CSNK2A1: variants seen among roughly 807,000 people sequenced by gnomAD.
CSNK2A1 encodes the protein casein kinase 2 alpha 1.
Under a neutral mutation model 62.9 loss-of-function variants are expected in CSNK2A1, and 10 were observed. The observed-to-expected ratio is 0.16, with a 90% CI of 0.10 to 0.27. CSNK2A1 has a LOEUF of 0.27. Among genes scored for constraint, CSNK2A1 ranks in the 10% least tolerant of loss-of-function variants. The pLI is 1.00. For missense variants in CSNK2A1, 160 were observed against 492.0 expected (o/e 0.33, Z 6.38); for synonymous variants, 124 against 167.8 (o/e 0.74, Z 2.02).
At chr20:538,928 C>T (rs1237073194) in intron 1 of CSNK2A1, among the ~76,000 whole-genome samples, 9 of 152,188 alleles carry the variant, frequency 5.9e-5, no homozygotes, top group Non-Finnish European at 2.9e-5. Context: ...GAAACTACAT[C>T]TCACTAAGCT....
In CSNK2A1 at chr20:479,259, C is replaced by T. The variant is rs2017909081; in HGVS notation, c.*4702G>A. On this transcript the variant is annotated 3_prime_UTR_variant, in exon 14 of 14. Coordinates refer to ENST00000217244, the MANE Select transcript of CSNK2A1 (RefSeq NM_177559.3). ...ACAACTGTACAATTTAGAAGAGAAA[C>T]CAACATTTGGTGTAACTCTACCATA... The T allele has an allele frequency of 6.6e-6, 1 of 152,154 alleles. No individual in the cohort carries two copies. The highest frequency in any genetic ancestry group is 2.4e-5 in the African/African-American group (1 of 41,422). 9.4% of individuals were successfully genotyped at this position (152,154 alleles called of 1,614,324 possible). A position where few individuals can be genotyped will look rare whatever the true frequency, so the allele number is the denominator to read the frequency against.
At chr20:495,188 T>G (rs1274429797) in intron 8 of CSNK2A1, 1 of 153,374 alleles carries the variant, frequency 6.5e-6, no homozygotes, top group African/African-American at 2.4e-5. Flanking sequence ...AACAGGCAAG[T>G]CATCACAGCT....
At chr20:491,089 C>A (rs2018225147) in intron 9 of CSNK2A1, among the ~76,000 whole-genome samples, 1 of 151,982 alleles carries the variant, frequency 6.6e-6, no homozygotes, top group Non-Finnish European at 1.5e-5. Flanking sequence ...GAACTCAGGG[C>A]TATAGCCTTA....
chr20:496,499 C>A (rs2018349573), intron 7 of CSNK2A1: 1 of 152,202 alleles, frequency 6.6e-6, no homozygotes, highest in African/African-American at 2.4e-5. Flanking sequence ...GTTTGTTAAT[C>A]CCAGCCTTTC....
At position 480,911 on chromosome 20, in the gene CSNK2A1, T is replaced by C. The variant is rs960262513; in HGVS notation, c.*3050A>G. ...AATTTTCTCTGCTACTTTAGGACTA[T>C]AGTAATTAGCCATACCCTGAGGATC... is the stretch of plus-strand genomic sequence containing the variant. On this transcript the variant is annotated 3_prime_UTR_variant, in exon 14 of 14. Transcript: ENST00000217244. 1.3e-5 allele frequency: 2 copies of C among 152,242 alleles called. No individual in the cohort carries two copies. The highest frequency in any genetic ancestry group is 6.5e-5 in the Admixed American group (1 of 15,288). The allele number at this position is 152,242 out of a possible 1,614,324, so 9.4% of individuals were successfully genotyped here.
At chr20:532,681 A>G (rs2019237988) in intron 1 of CSNK2A1, among the ~76,000 whole-genome samples, 1 of 152,302 alleles carries the variant, frequency 6.6e-6, no homozygotes, top group African/African-American at 2.4e-5. Flanking sequence ...TCTAGTTTAA[A>G]TAACTTGTGG....
intron 12 of CSNK2A1, chr20:487,165 C>T: frequency 2.0e-6 from 1 of 508,240 alleles, no homozygotes; most frequent in South Asian, 2.8e-5. Flanking sequence ...TTCAACCATT[C>T]CAGACTGAGG....
At chr20:525,338 C>T (rs1163783262) in intron 2 of CSNK2A1, among the ~76,000 whole-genome samples, 1 of 151,828 alleles carries the variant, frequency 6.6e-6, no homozygotes, top group East Asian at 1.9e-4. Context: ...ATGGCGAGAC[C>T]TCGCCTCTAT....
intron 2 of CSNK2A1, chr20:526,650 T>G (rs1407943446): frequency 2.7e-5 from 4 of 149,598 alleles, no homozygotes; most frequent in Non-Finnish European, 4.4e-5. Context: ...TAAGTGTGCT[T>G]GATTTAAGAA....
Position 497,851 on chromosome 20 carries a change from A to G in CSNK2A1, c.367-71T>C. On this transcript the variant is annotated intron_variant, in intron 6 of 13. Transcript: ENST00000217244. ...GGCATTTTTCACCCTCACTCACAGT[A>G]ATTCAAACCAAGACTTGGCTCATTT... 6 of 1,378,272 alleles carry G rather than the reference A, an allele frequency of 4.4e-6. 1 individual carries two copies. The South Asian group carries it at 7.1e-5, about 16-fold the overall frequency. The allele number at this position is 1,378,272 out of a possible 1,614,324, so 85.4% of individuals were successfully genotyped here.
At chr20:516,976 T>C (rs1453213418) in intron 2 of CSNK2A1, among the ~76,000 whole-genome samples, 1 of 152,234 alleles carries the variant, frequency 6.6e-6, no homozygotes, top group Non-Finnish European at 1.5e-5. Context: ...TAGATTGCAC[T>C]GACTGCATGG....
intron 7 of CSNK2A1, chr20:496,009 T>C (rs1315123302): frequency 5.8e-6 from 3 of 517,052 alleles, no homozygotes; most frequent in African/African-American, 1.9e-5. Flanking sequence ...GAGATCTTTT[T>C]CTGACACAGT....
chr20:543,743 G>T lies in CSNK2A1; in HGVS notation c.-298C>A, dbSNP rs1370315554. ...CACAGACAATATGGCGGCGATGGAG[G>T]AGGAGACACACGGCTCGGCCGCCAG... On this transcript the variant is annotated 5_prime_UTR_variant, in exon 1 of 14. Transcript: ENST00000217244. The T allele has an allele frequency of 2.5e-6, 1 of 398,334 alleles. No homozygotes were observed. The highest frequency in any genetic ancestry group is 4.4e-6 in the Non-Finnish European group (1 of 226,012). 24.7% of individuals were successfully genotyped at this position (398,334 alleles called of 1,614,324 possible). A position where few individuals can be genotyped will look rare whatever the true frequency, so the allele number is the denominator to read the frequency against.
chr20:492,438 A>G, intron 8 of CSNK2A1, 74 bp from the exon 9 acceptor site: 1 of 1,427,988 alleles, frequency 7.0e-7, no homozygotes, highest in Non-Finnish European at 9.8e-7. Context: ...CATACTCTTG[A>G]TAAAATATAC....
At chr20:510,328 A>C (rs1382609454) in intron 2 of CSNK2A1, 1 of 152,148 alleles carries the variant, frequency 6.6e-6, no homozygotes, top group African/African-American at 2.4e-5. Flanking sequence ...GGCATGCGCC[A>C]CCATGCCTGG....
intron 2 of CSNK2A1, among the ~76,000 whole-genome samples, chr20:519,460 T>G (rs1007654244): frequency 6.6e-6 from 1 of 152,194 alleles, no homozygotes; most frequent in Non-Finnish European, 1.5e-5. Context: ...AGGCCTATAG[T>G]CCCAGCTATT....
rs144899458 is a variant in CSNK2A1, at chr20:479,928, T to C, written c.*4033A>G. On this transcript the variant is annotated 3_prime_UTR_variant, in exon 14 of 14. Transcript: ENST00000217244. The stretch of plus-strand genomic sequence containing the variant: ...TGAACTGGTATGTATTCCGCAAATA[T>C]TCCAAAAATCCAAAAAAATTCAAAA... The C allele has an allele frequency of 6.6e-6, 1 of 152,306 alleles. No homozygotes were observed. Among genetic ancestry groups the C allele is most frequent in the African/African-American group, 2.4e-5 (1 of 41,574 alleles). 9.4% of individuals were successfully genotyped at this position (152,306 alleles called of 1,614,324 possible). A position where few individuals can be genotyped will look rare whatever the true frequency, so the allele number is the denominator to read the frequency against.
chr20:482,619 G>A lies in CSNK2A1; in HGVS notation c.*1342C>T, dbSNP rs903878133. 1.3e-5 allele frequency: 2 copies of A among 152,454 alleles called. No homozygotes were observed. Among genetic ancestry groups the A allele is most frequent in the South Asian group, 2.1e-4 (1 of 4,828 alleles). The allele number at this position is 152,454 out of a possible 1,614,324, so 9.4% of individuals were successfully genotyped here. On this transcript the variant is annotated 3_prime_UTR_variant, in exon 14 of 14. Coordinates refer to ENST00000217244, the MANE Select transcript of CSNK2A1 (RefSeq NM_177559.3). ...GCCTTGGGAAGCCTCCACGGTACAGGGCTGCAGGCCCCTCAGATGTGAACA... is the reference window on the plus strand; with the variant it reads ...GCCTTGGGAAGCCTCCACGGTACAGAGCTGCAGGCCCCTCAGATGTGAACA...
At position 499,366 on chromosome 20, in the gene CSNK2A1, G is replaced by A; in HGVS notation, c.316-61C>T. 6.6e-7 allele frequency: 1 copy of A among 1,526,472 alleles called. No individual in the cohort carries two copies. Among genetic ancestry groups the A allele is most frequent in the Non-Finnish European group, 8.9e-7 (1 of 1,118,874 alleles). 94.6% of individuals were successfully genotyped at this position (1,526,472 alleles called of 1,614,324 possible). A position where few individuals can be genotyped will look rare whatever the true frequency, so the allele number is the denominator to read the frequency against. On this transcript the variant is annotated intron_variant, in intron 5 of 13. Transcript: ENST00000217244. This position sits in a 1 kb window ranked among gnomAD's most constrained non-coding sequence, Gnocchi z 4.2. ...GCAATAGCCCTGACAGCTTTAATGG[G>A]GACAATGTTTGCGGATGCTGCGTGG... is the stretch of plus-strand genomic sequence containing the variant.
Sources: allele counts gnomAD v4.1 joint callset (sites outside exome capture counted in the v4.1 genomes callset), GRCh38; gene constraint gnomAD v4.1.1; non-coding constraint Gnocchi (gnomAD v3.1); transcripts MANE v1.5; gene names NCBI Gene and HGNC (gene_info 2026-07-23, HGNC 2026-07-21).